The following FOXN3 variants were observed in gnomAD, a reference collection of about 807,000 sequenced individuals.
The protein encoded by FOXN3 is forkhead box N3.
Under a neutral mutation model 38.4 loss-of-function variants are expected in FOXN3, and 7 were observed. That is an observed-to-expected ratio of 0.18 (90% CI 0.10 to 0.34). The LOEUF (loss-of-function observed/expected upper bound fraction) is 0.34. FOXN3 is among the 10% of genes least tolerant of loss of function. FOXN3 has a pLI of 1.00. For missense variants in FOXN3, 456 were observed against 613.4 expected (o/e 0.74, Z 2.71); for synonymous variants, 230 against 242.2 (o/e 0.95, Z 0.47).
intron 1 of FOXN3, among the ~76,000 whole-genome samples, chr14:89,424,504 G>C (rs929731997): frequency 5.9e-5 from 9 of 152,076 alleles, no homozygotes; most frequent in Non-Finnish European, 1.0e-4. Context: ...TTGGTTTATA[G>C]GTTTTGAATA....
intron 2 of FOXN3, among the ~76,000 whole-genome samples, chr14:89,369,962 C>T (rs569110162): frequency 1.1e-4 from 17 of 152,342 alleles, no homozygotes; most frequent in African/African-American, 3.8e-4. Context: ...ATAGCTGCAA[C>T]AAAAACTGTA....
intron 1 of FOXN3, among the ~76,000 whole-genome samples, chr14:89,599,493 A>T (rs1234808032): frequency 6.6e-6 from 1 of 152,134 alleles, no homozygotes; most frequent in East Asian, 1.9e-4. Context: ...AATCACAGTT[A>T]TGGTAGGGAC....
chr14:89,493,879 T>G (rs940603405), intron 1 of FOXN3: 3 of 151,986 alleles, frequency 2.0e-5, no homozygotes, highest in African/African-American at 7.3e-5. Context: ...AAAAATAGCT[T>G]CATTAACAAT....
rs1400753392 is a variant in FOXN3, at chr14:89,156,697, A to G, written c.*5717T>C. 2 of 152,134 alleles carry G rather than the reference A, an allele frequency of 1.3e-5. No individual in the cohort carries two copies. The highest frequency in any genetic ancestry group is 4.8e-5 in the African/African-American group (2 of 41,418). The allele number at this position is 152,134 out of a possible 1,614,324, so 9.4% of individuals were successfully genotyped here. A position where few individuals can be genotyped will look rare whatever the true frequency, so the allele number is the denominator to read the frequency against. On this transcript the variant is annotated 3_prime_UTR_variant, in exon 6 of 6. Transcript: ENST00000557258. ...AAATGTTACAGAATCAGAGTATTAAAAAATGTACAAGTGTATATGCTTCCC... is the reference window on the plus strand; with the variant it reads ...AAATGTTACAGAATCAGAGTATTAAGAAATGTACAAGTGTATATGCTTCCC...
intron 3 of FOXN3, among the ~76,000 whole-genome samples, chr14:89,326,368 T>C (rs1344888117): frequency 6.6e-6 from 1 of 152,260 alleles, no homozygotes; most frequent in East Asian, 1.9e-4. Flanking sequence ...ATTTTAATTT[T>C]GCTTCATGTG....
intron 2 of FOXN3, among the ~76,000 whole-genome samples, chr14:89,368,205 C>T (rs1890212733): frequency 6.6e-6 from 1 of 151,958 alleles, no homozygotes; most frequent in Non-Finnish European, 1.5e-5. Flanking sequence ...TGGCACATGC[C>T]TACAATCCCA....
chr14:89,185,385 A>G (rs1297216959), intron 4 of FOXN3, among the ~76,000 whole-genome samples: 1 of 152,094 alleles, frequency 6.6e-6, no homozygotes, highest in Non-Finnish European at 1.5e-5. Context: ...ACAGTTCACT[A>G]CTCTACATTA....
intron 1 of FOXN3, among the ~76,000 whole-genome samples, chr14:89,600,159 C>T (rs778987640): frequency 1.3e-5 from 2 of 152,146 alleles, no homozygotes; most frequent in Non-Finnish European, 2.9e-5. Flanking sequence ...TCTACTATTG[C>T]TAAATATATG....
At chr14:89,288,702 CTCTCTCTCTCTCTCTCTCTCTCTATA>C (rs1886735449) in intron 3 of FOXN3, among the ~76,000 whole-genome samples, 2 of 98,678 alleles carry the variant, frequency 2.0e-5, no homozygotes, top group Non-Finnish European at 3.7e-5. Flanking sequence ...CTCTCTCTCT[CTCTCTCTCTCTCTCTCTCTCTCTATA>C]TATATATATA....
At chr14:89,222,157 C>G (rs1244151666) in intron 4 of FOXN3, among the ~76,000 whole-genome samples, 1 of 152,210 alleles carries the variant, frequency 6.6e-6, no homozygotes, top group Non-Finnish European at 1.5e-5. Flanking sequence ...ACCGTGGAAA[C>G]CCATCACTGG....
At chr14:89,251,596 A>G (rs1274284056) in intron 4 of FOXN3, among the ~76,000 whole-genome samples, 1 of 152,262 alleles carries the variant, frequency 6.6e-6, no homozygotes, top group African/African-American at 2.4e-5. Flanking sequence ...CTGGCATAGG[A>G]AAAAGCCTCC....
chr14:89,369,561 A>T (rs111418232), intron 2 of FOXN3, among the ~76,000 whole-genome samples: 51,006 of 148,558 alleles, frequency 0.34, 8,636 homozygotes, highest in South Asian at 0.48. Flanking sequence ...TTTTTTTTTT[A>T]AAAAAGAGGT....
rs879505754 is a variant in FOXN3, at chr14:89,511,190, T to TTTTCTTTCTTTCTTTC, written c.-14-98701_-14-98700insGAAAGAAAGAAAGAAA. 2.1e-4 allele frequency among the ~76,000 whole-genome samples: 4 copies of TTTTCTTTCTTTCTTTC among 18,846 alleles called. 1 individual carries two copies. Among genetic ancestry groups the TTTTCTTTCTTTCTTTC allele is most frequent in the African/African-American group, 4.9e-4 (4 of 8,170 alleles). 12.4% of individuals were successfully genotyped at this position (18,846 alleles called of 152,430 possible). On this transcript the variant is annotated intron_variant, in intron 1 of 6. Coordinates refer to the FOXN3 transcript ENST00000345097. ...CTTTCTTTCTTTCTTTCTTTCTTTC[T>TTTTCTTTCTTTCTTTC]TTTCTTTCTTTCTTTTCTTTCTTTC... is the stretch of plus-strand genomic sequence containing the variant.
At chr14:89,183,313 CAG>C (rs1887720652) in intron 4 of FOXN3, among the ~76,000 whole-genome samples, 1 of 152,100 alleles carries the variant, frequency 6.6e-6, no homozygotes, top group Non-Finnish European at 1.5e-5. Context: ...TGATAAATAA[CAG>C]AAATATTTAA....
At chr14:89,359,709 G>A (rs1869175817) in intron 2 of FOXN3, among the ~76,000 whole-genome samples, 2 of 152,162 alleles carry the variant, frequency 1.3e-5, no homozygotes, top group Non-Finnish European at 2.9e-5. Context: ...TCCTAGAGAG[G>A]TCCTGCCCCA....
In FOXN3 at chr14:89,350,705, T is replaced by G; in HGVS notation, c.647A>C (p.Asn216Thr). ...TPYHPHPHVF[N>T]TPPTCPQAYQ... is the part of the protein sequence containing the mutation. The stretch of plus-strand genomic sequence containing the variant: ...TGCCTGAGGACAGGTGGGAGGTGTA[T>G]TGAACACGTGTGGGTGTGGGTGATA... Residue 216 changes from asparagine to threonine, a missense_variant, in exon 3 of 6, where the codon AAT becomes ACT. By Grantham distance (65) the Asn-to-Thr change is moderately conservative. Coordinates refer to ENST00000557258, the MANE Select transcript of FOXN3 (RefSeq NM_005197.4). 6.3e-7 allele frequency: 1 copy of G among 1,590,162 alleles called. No individual in the cohort carries two copies. The highest frequency in any genetic ancestry group is 8.5e-7 in the Non-Finnish European group (1 of 1,171,112).
intron 2 of FOXN3, among the ~76,000 whole-genome samples, chr14:89,396,880 C>CTT (rs113510248): frequency 0.15 from 21,276 of 140,514 alleles, 2,078 homozygotes; most frequent in East Asian, 0.34. Context: ...CTGCAGTAGA[C>CTT]TTTTTTTTTT....
chr14:89,333,966 G>GTATATATATATATATATATATATA (rs71130055), intron 3 of FOXN3, among the ~76,000 whole-genome samples: 1 of 131,584 alleles, frequency 7.6e-6, no homozygotes, highest in African/African-American at 2.9e-5. Flanking sequence ...AATGTGGTGT[G>GTATATATATATATATATATATATA]TATATATATA....
intron 5 of FOXN3, among the ~76,000 whole-genome samples, chr14:89,172,899 T>A (rs952344055): frequency 2.6e-5 from 4 of 152,208 alleles, no homozygotes; most frequent in Non-Finnish European, 5.9e-5. Flanking sequence ...AAACTTTCAA[T>A]CTTTTAGAAA....
Sources: allele counts gnomAD v4.1 joint callset (sites outside exome capture counted in the v4.1 genomes callset), GRCh38; gene constraint gnomAD v4.1.1; transcripts MANE v1.5; gene names NCBI Gene and HGNC (gene_info 2026-07-23, HGNC 2026-07-21).